Variants in DST observed in about 807,000 individuals in gnomAD.
The protein encoded by DST is bullous pemphigoid antigen.
A neutral mutation model predicts 875.2 loss-of-function variants in DST; 253 were observed. The observed-to-expected ratio is 0.29, with a 90% confidence interval of 0.26 to 0.32. The LOEUF is 0.32. Among genes scored for constraint, DST ranks in the 10% least tolerant of loss-of-function variants. DST has a pLI of 1.00. For synonymous variants in DST, 3,124 were observed against 3,197.1 expected (o/e 0.98, Z 0.77); for missense variants, 8,287 against 9,111.6 (o/e 0.91, Z 3.68).
chr6:56,674,302 C>CT lies in DST; in HGVS notation c.1048-3496dup, dbSNP rs754314470. Reference sequence around the variant, plus strand: ...TAATCTCCTAAAATCCATTTTCTTTCTTTTTTTTTTTTTAAGACGGAGTCT... The same window carrying CT: ...TAATCTCCTAAAATCCATTTTCTTTCTTTTTTTTTTTTTTAAGACGGAGTCT... On this transcript the variant is annotated intron_variant, in intron 9 of 103. Transcript: ENST00000680361. 2.3e-3 allele frequency among the ~76,000 whole-genome samples: 339 copies of CT among 145,508 alleles called. 2 individuals are homozygous for CT. The highest frequency in any genetic ancestry group is 5.4e-3 in the African/African-American group (218 of 40,022).
intron 90 of DST, among the ~76,000 whole-genome samples, chr6:56,478,363 C>A (rs1051624620): frequency 6.6e-6 from 1 of 152,088 alleles, no homozygotes; most frequent in African/African-American, 2.4e-5. Flanking sequence ...GTGAGCCTGA[C>A]AGCAGGTCAG....
chr6:56,941,635 C>A (rs1416983936), intron 2 of DST, among the ~76,000 whole-genome samples: 3 of 152,172 alleles, frequency 2.0e-5, no homozygotes, highest in Non-Finnish European at 4.4e-5. Context: ...GTGCATGCCA[C>A]TAAGCTTGGC....
At chr6:56,735,556 T>TCACCACCACCAACAC (rs2099519925) in intron 4 of DST, among the ~76,000 whole-genome samples, 3 of 151,168 alleles carry the variant, frequency 2.0e-5, no homozygotes, top group Non-Finnish European at 4.4e-5. Context: ...TAACCCCTCA[T>TCACCACCACCAACAC]CACCACCACC....
At chr6:56,895,834 G>A (rs1592197656) in intron 3 of DST, among the ~76,000 whole-genome samples, 1 of 8,536 alleles carries the variant, frequency 1.2e-4, no homozygotes, top group Non-Finnish European at 2.3e-4. Flanking sequence ...GGCCAACACA[G>A]CGAAACCCCA....
At position 56,506,650 on chromosome 6, in the gene DST, A is replaced by G. The variant is rs1471228465; in HGVS notation, c.19362+17T>C. ...AAAACTTTTTAAAAGCCATTCTGAT[A>G]AGTAAGCCAGTTGTACCTCATCTAT... On this transcript the variant is annotated intron_variant, in intron 76 of 103. Coordinates refer to ENST00000680361, the MANE Select transcript of DST (RefSeq NM_001374736.1). The G allele has an allele frequency of 6.2e-7, 1 of 1,613,116 alleles. No individual in the cohort carries two copies. The highest frequency in any genetic ancestry group is 8.5e-7 in the Non-Finnish European group (1 of 1,179,488).
intron 90 of DST, 86 bp downstream of exon 90, chr6:56,481,964 A>C: frequency 7.1e-7 from 1 of 1,402,226 alleles, no homozygotes; most frequent in Non-Finnish European, 9.8e-7. Context: ...GAAAATATTC[A>C]TGCAGTTGAT....
intron 4 of DST, among the ~76,000 whole-genome samples, chr6:56,830,183 A>G (rs2099785373): frequency 1.3e-5 from 2 of 152,160 alleles, no homozygotes; most frequent in South Asian, 4.1e-4. Context: ...CAGGATACAA[A>G]ACTGCTTAAA....
At chr6:56,736,209 ATTCC>A in intron 4 of DST, among the ~76,000 whole-genome samples, 1 of 152,086 alleles carries the variant, frequency 6.6e-6, no homozygotes, top group East Asian at 1.9e-4. Flanking sequence ...TCTTTCCTAG[ATTCC>A]TGTGTTGAAC....
At chr6:56,616,685 A>G in intron 36 of DST, 1 of 1,614,160 alleles carries the variant, frequency 6.2e-7, no homozygotes, top group Non-Finnish European at 8.5e-7. Flanking sequence ...AGGAACACGA[A>G]TGCCTCTCAC....
intron 2 of DST, chr6:56,945,772 A>C (rs917354548): frequency 1.3e-5 from 2 of 152,142 alleles, no homozygotes; most frequent in East Asian, 3.9e-4. Context: ...GGAAAGATAC[A>C]GAGAAGATTA....
intron 4 of DST, among the ~76,000 whole-genome samples, chr6:56,838,436 A>G (rs1464607388): frequency 6.6e-6 from 1 of 152,220 alleles, no homozygotes; most frequent in Non-Finnish European, 1.5e-5. Flanking sequence ...TTGTCAGACT[A>G]CAAGATAGCA....
At chr6:56,870,520 T>C (rs540350392) in intron 3 of DST, among the ~76,000 whole-genome samples, 2 of 151,532 alleles carry the variant, frequency 1.3e-5, no homozygotes, top group East Asian at 3.9e-4. Context: ...CCCAGCATTT[T>C]GGGAGACCGA....
intron 4 of DST, among the ~76,000 whole-genome samples, chr6:56,788,933 A>G (rs1208710046): frequency 6.6e-6 from 1 of 152,222 alleles, no homozygotes; most frequent in African/African-American, 2.4e-5. Flanking sequence ...CAGAGTCAAC[A>G]TGAATCTGTA....
At chr6:56,661,673 G>C (rs1469977573) in intron 10 of DST, among the ~76,000 whole-genome samples, 1 of 151,294 alleles carries the variant, frequency 6.6e-6, no homozygotes, top group Admixed American at 6.6e-5. Context: ...TGCAACCTCC[G>C]CCTCCCAGGT....
intron 45 of DST, among the ~76,000 whole-genome samples, chr6:56,599,214 TTAAGA>T (rs1377248219): frequency 1.3e-5 from 2 of 151,856 alleles, no homozygotes. Flanking sequence ...TACCTCAAGA[TTAAGA>T]TCTCTCCTTA....
rs751212139 is a variant in DST, at chr6:56,609,297, G to C, written c.5331C>G (p.Val1777=). The C allele has an allele frequency of 6.2e-7, 1 of 1,613,156 alleles. No homozygotes were observed. The highest frequency in any genetic ancestry group is 1.1e-5 in the South Asian group (1 of 90,996). ...TTAAAACTGCTTGAAAGACTGAAAG[G>C]ACTTCTCCAGTTGTCTGATCAATGG... ...AGTIDQTTGE[V]LSVFQAVLRG... The change falls in exon 40 of 104, where the codon GTC becomes GTG. Residue 1777 remains valine (V), a synonymous_variant. Coordinates refer to ENST00000680361, the MANE Select transcript of DST (RefSeq NM_001374736.1).
At chr6:56,574,104 T>C (rs1440753004) in intron 50 of DST, among the ~76,000 whole-genome samples, 1 of 152,180 alleles carries the variant, frequency 6.6e-6, no homozygotes, top group Non-Finnish European at 1.5e-5. Flanking sequence ...GAAATCTTTT[T>C]TTAAAAGTTA....
chr6:56,797,417 G>C (rs1386064294), intron 4 of DST, among the ~76,000 whole-genome samples: 1 of 152,140 alleles, frequency 6.6e-6, no homozygotes, highest in Non-Finnish European at 1.5e-5. Flanking sequence ...TCAAAAGCTA[G>C]AAATTATTAA....
At chr6:56,871,183 CT>C (rs1776916753) in intron 3 of DST, 1 of 740,242 alleles carries the variant, frequency 1.4e-6, no homozygotes, top group Non-Finnish European at 2.5e-6. Context: ...CTGAGGTAGT[CT>C]GTGAAAATGG....
Sources: allele counts gnomAD v4.1 joint callset (sites outside exome capture counted in the v4.1 genomes callset), GRCh38; gene constraint gnomAD v4.1.1; transcripts MANE v1.5; gene names NCBI Gene and HGNC (gene_info 2026-07-23, HGNC 2026-07-21).